The following RCAN2 variants were observed in gnomAD, a reference collection of about 807,000 sequenced individuals.
RCAN2 encodes the protein calcipressin-2.
RCAN2 carries 9 observed loss-of-function variants against 23.6 expected under a neutral mutation model. That is an observed-to-expected ratio of 0.38 (90% CI 0.23 to 0.67). RCAN2 has a LOEUF of 0.67. Among genes scored for constraint, RCAN2 ranks in the 30% least tolerant of loss-of-function variants. The probability of loss-of-function intolerance (pLI) is 0.51; values close to 1 mark genes in which losing one functional copy is unlikely to be tolerated. For synonymous variants in RCAN2, 109 were observed against 115.7 expected (o/e 0.94, Z 0.37); for missense variants, 273 against 302.3 (o/e 0.90, Z 0.72).
intron 2 of RCAN2, among the ~76,000 whole-genome samples, chr6:46,406,037 C>A (rs1766395791): frequency 6.6e-6 from 1 of 152,250 alleles, no homozygotes; most frequent in Admixed American, 6.5e-5. Context: ...CCCGGGGCAG[C>A]AGGGCCGGCC....
chr6:46,371,533 A>G (rs1765318251), intron 2 of RCAN2, among the ~76,000 whole-genome samples: 1 of 152,222 alleles, frequency 6.6e-6, no homozygotes, highest in Non-Finnish European at 1.5e-5. Context: ...ACATTTATAA[A>G]CAGAATTGAT....
intron 2 of RCAN2, among the ~76,000 whole-genome samples, chr6:46,401,655 C>T (rs907177225): frequency 3.9e-5 from 6 of 152,126 alleles, no homozygotes; most frequent in African/African-American, 9.7e-5. Context: ...AAGTAGCTAG[C>T]GTTAATTTAA....
chr6:46,259,600 A>C (rs1202874365), intron 2 of RCAN2, among the ~76,000 whole-genome samples: 1 of 152,196 alleles, frequency 6.6e-6, no homozygotes, highest in Non-Finnish European at 1.5e-5. Context: ...GCAATTCTCC[A>C]GTTCTCTGTA....
At chr6:46,251,344 C>A (rs902491648) in intron 2 of RCAN2, among the ~76,000 whole-genome samples, 4 of 152,220 alleles carry the variant, frequency 2.6e-5, no homozygotes, top group Non-Finnish European at 5.9e-5. Context: ...TGAGAGTACT[C>A]TGAACTGGTC....
intron 2 of RCAN2, among the ~76,000 whole-genome samples, chr6:46,414,920 G>T (rs1766661018): frequency 6.6e-6 from 1 of 152,186 alleles, no homozygotes; most frequent in Non-Finnish European, 1.5e-5. Context: ...GGAAATAAGT[G>T]CACTGTATGG....
intron 2 of RCAN2, among the ~76,000 whole-genome samples, chr6:46,309,982 A>G (rs1561852782): frequency 6.6e-6 from 1 of 152,124 alleles, no homozygotes; most frequent in Non-Finnish European, 1.5e-5. Flanking sequence ...TTAAAAGAAA[A>G]TGAGGAAGCC....
intron 4 of RCAN2, among the ~76,000 whole-genome samples, chr6:46,224,986 A>C (rs1258692133): frequency 2.7e-5 from 4 of 150,218 alleles, no homozygotes; most frequent in Non-Finnish European, 5.9e-5. Flanking sequence ...CCTGTGTCCA[A>C]GTGTTCTCAT....
At chr6:46,389,541 G>A (rs948109671) in intron 2 of RCAN2, among the ~76,000 whole-genome samples, 1 of 152,164 alleles carries the variant, frequency 6.6e-6, no homozygotes, top group Non-Finnish European at 1.5e-5. Flanking sequence ...AGCTCCTCCA[G>A]GGCTAGATCA....
chr6:46,439,801 A>G (rs1767479284), intron 2 of RCAN2, among the ~76,000 whole-genome samples: 2 of 152,224 alleles, frequency 1.3e-5, no homozygotes, highest in Non-Finnish European at 2.9e-5. Context: ...AAGTCTACAT[A>G]TAAAAAGCAT....
At chr6:46,288,795 C>T (rs760356821) in intron 2 of RCAN2, among the ~76,000 whole-genome samples, 20 of 152,362 alleles carry the variant, frequency 1.3e-4, no homozygotes, top group Non-Finnish European at 2.6e-4. Flanking sequence ...GCCAAGTTAT[C>T]CTCTGATTGA....
chr6:46,395,953 G>A (rs935433227), intron 2 of RCAN2, among the ~76,000 whole-genome samples: 7 of 152,214 alleles, frequency 4.6e-5, no homozygotes, highest in African/African-American at 1.7e-4. Context: ...TCTTCCAGCT[G>A]GAGTTTAGTT....
intron 2 of RCAN2, among the ~76,000 whole-genome samples, chr6:46,397,130 A>C (rs1002249365): frequency 6.6e-6 from 1 of 152,162 alleles, no homozygotes; most frequent in Non-Finnish European, 1.5e-5. Flanking sequence ...TAAAAAAGTA[A>C]CCTAGAACAT....
At chr6:46,312,181 G>A (rs916302897) in intron 2 of RCAN2, among the ~76,000 whole-genome samples, 3 of 152,150 alleles carry the variant, frequency 2.0e-5, no homozygotes, top group Non-Finnish European at 4.4e-5. Context: ...GTGCTATGAT[G>A]GCAACAGTTA....
At chr6:46,286,945 C>A (rs780224097) in intron 2 of RCAN2, among the ~76,000 whole-genome samples, 1 of 151,804 alleles carries the variant, frequency 6.6e-6, no homozygotes, top group South Asian at 2.1e-4. Flanking sequence ...GTGGAGGTTG[C>A]GGTGAGCCGA....
intron 2 of RCAN2, among the ~76,000 whole-genome samples, chr6:46,309,047 A>C (rs754925909): frequency 2.0e-5 from 3 of 152,180 alleles, no homozygotes; most frequent in Non-Finnish European, 4.4e-5. Context: ...GCTTGGAAAT[A>C]ACTTGAGTAA....
rs562219279 is a variant in RCAN2, at chr6:46,402,746, C to T, written c.225+54006G>A. Among the ~76,000 whole-genome samples the T allele has an allele frequency of 4.6e-5, 7 of 152,308 alleles. No individual in the cohort carries two copies. In the South Asian group the frequency reaches 1.5e-3, roughly 32 times the overall value. On this transcript the variant is annotated intron_variant, in intron 2 of 4. Coordinates refer to ENST00000371374, the MANE Select transcript of RCAN2 (RefSeq NM_001251974.2). ...CCCTTATTGTCCAAACATATTTCTACACAGCTGGCCATACTTTTTGAACCT... is the reference window on the plus strand; with the variant it reads ...CCCTTATTGTCCAAACATATTTCTATACAGCTGGCCATACTTTTTGAACCT...
chr6:46,375,128 A>G (rs1036507212), intron 2 of RCAN2, among the ~76,000 whole-genome samples: 1 of 152,176 alleles, frequency 6.6e-6, no homozygotes, highest in Admixed American at 6.5e-5. Flanking sequence ...TATGTTTAGT[A>G]GAGACGGGGT....
chr6:46,246,905 C>G lies in RCAN2; in HGVS notation c.414G>C (p.Glu138Asp), dbSNP rs769540909. ...CCAAGTGCAGTTTGTCTCCATCTGT[C>G]TCTGGAGTCTGAACCTTTCAAATAG... ...KLYFAQVQTP[E>D]TDGDKLHLAP... Residue 138 changes from glutamate (E) to aspartate (D), a missense_variant, in exon 4 of 5, where the codon GAG (glutamate) becomes GAC (aspartate). By Grantham distance (45) the Glu-to-Asp change is conservative (BLOSUM62 2). Coordinates refer to ENST00000371374, the MANE Select transcript of RCAN2 (RefSeq NM_001251974.2). 2.5e-6 allele frequency: 4 copies of G among 1,582,434 alleles called. No homozygotes were observed. Among genetic ancestry groups the G allele is most frequent in the Non-Finnish European group, 3.4e-6 (4 of 1,162,766 alleles).
chr6:46,328,505 G>A (rs1324107862), intron 2 of RCAN2, among the ~76,000 whole-genome samples: 1 of 152,180 alleles, frequency 6.6e-6, no homozygotes, highest in Non-Finnish European at 1.5e-5. Flanking sequence ...CCAACTTATT[G>A]GGTTTTTAAT....
Sources: allele counts gnomAD v4.1 joint callset (sites outside exome capture counted in the v4.1 genomes callset), GRCh38; gene constraint gnomAD v4.1.1; transcripts MANE v1.5; gene names NCBI Gene and HGNC (gene_info 2026-07-23, HGNC 2026-07-21).